GALNT13: variants seen among roughly 807,000 people sequenced by gnomAD.
The protein encoded by GALNT13 is polypeptide N-acetylgalactosaminyltransferase 13, also known as UDP-GalNAc:polypeptide N-acetylgalactosaminyltransferase 13.
A neutral mutation model predicts 64.2 loss-of-function variants in GALNT13; 28 were observed. The observed-to-expected ratio is 0.44, with a 90% confidence interval of 0.32 to 0.60. The LOEUF (loss-of-function observed/expected upper bound fraction) is 0.60, where lower values mean the gene tolerates loss of function less well. GALNT13 is among the 20% of genes least tolerant of loss of function. The pLI is 0.05. For missense variants in GALNT13, 577 were observed against 669.8 expected (o/e 0.86, Z 1.53); for synonymous variants, 214 against 224.6 (o/e 0.95, Z 0.42).
chr2:153,231,390 A>G, the GALNT13 span, among the ~76,000 whole-genome samples: 1 of 152,244 alleles, frequency 6.6e-6, no homozygotes, highest in African/African-American at 2.4e-5. Flanking sequence ...TACTGATGTC[A>G]GTATGGAACA....
At chr2:154,440,882 A>T (rs75088927) in intron 12 of GALNT13, among the ~76,000 whole-genome samples, 20,194 of 152,124 alleles carry the variant, frequency 0.13, 1,512 homozygotes, top group African/African-American at 0.18. Flanking sequence ...AAGGTCGTTA[A>T]AAAGGATTTT....
chr2:154,265,009 A>C (rs1208195705), intron 8 of GALNT13, among the ~76,000 whole-genome samples: 1 of 151,168 alleles, frequency 6.6e-6, no homozygotes, highest in Non-Finnish European at 1.5e-5. Context: ...AATGAAACCA[A>C]AATTTGTTTC....
chr2:153,494,822 C>T, the GALNT13 span, among the ~76,000 whole-genome samples: 1 of 151,974 alleles, frequency 6.6e-6, no homozygotes, highest in Non-Finnish European at 1.5e-5. Flanking sequence ...AAGTAAGCCA[C>T]ATAGTAGGAG....
At chr2:153,204,621 T>C in the GALNT13 span, among the ~76,000 whole-genome samples, 2 of 152,190 alleles carry the variant, frequency 1.3e-5, no homozygotes, top group African/African-American at 2.4e-5. Flanking sequence ...TCCTCCAAAT[T>C]GCATTGTCTC....
intron 3 of GALNT13, among the ~76,000 whole-genome samples, chr2:154,050,467 AT>A: frequency 6.6e-6 from 1 of 152,260 alleles, no homozygotes; most frequent in Non-Finnish European, 1.5e-5. Context: ...ATGATGTATA[AT>A]TTCCCCTGGG....
intron 9 of GALNT13, among the ~76,000 whole-genome samples, chr2:154,336,278 G>A (rs1243950553): frequency 6.6e-6 from 1 of 152,072 alleles, no homozygotes; most frequent in African/African-American, 2.4e-5. Flanking sequence ...GCCACAGACT[G>A]TCTGGTCTTT....
chr2:153,943,174 A>G (rs1434206963), intron 2 of GALNT13, among the ~76,000 whole-genome samples: 2 of 152,218 alleles, frequency 1.3e-5, no homozygotes, highest in Non-Finnish European at 2.9e-5. Flanking sequence ...TAGTATAAAT[A>G]AAACAAATAA....
At chr2:153,856,773 C>A in the GALNT13 span, among the ~76,000 whole-genome samples, 102 of 152,160 alleles carry the variant, frequency 6.7e-4, 2 homozygotes, top group Admixed American at 5.8e-3. Flanking sequence ...GGAATCTACA[C>A]CACATAAATG....
chr2:153,411,328 CAA>C, the GALNT13 span, among the ~76,000 whole-genome samples: 1 of 151,900 alleles, frequency 6.6e-6, no homozygotes, highest in Non-Finnish European at 1.5e-5. Flanking sequence ...GCCCTGCCCA[CAA>C]AGAGTTTGGA....
chr2:153,393,473 TTC>T, the GALNT13 span, among the ~76,000 whole-genome samples: 22 of 152,110 alleles, frequency 1.4e-4, no homozygotes, highest in Admixed American at 3.3e-4. Flanking sequence ...GTTTAAAGAA[TTC>T]TTTTTTTTCC....
At chr2:153,774,904 T>C in the GALNT13 span, among the ~76,000 whole-genome samples, 1 of 152,188 alleles carries the variant, frequency 6.6e-6, no homozygotes, top group African/African-American at 2.4e-5. Flanking sequence ...AATGAGATCC[T>C]GTCTCTACAA....
the GALNT13 span, among the ~76,000 whole-genome samples, chr2:153,612,030 A>T: frequency 6.6e-6 from 1 of 152,082 alleles, no homozygotes; most frequent in African/African-American, 2.4e-5. Flanking sequence ...TGCAAAGGAC[A>T]TGAACTCATC....
the GALNT13 span, among the ~76,000 whole-genome samples, chr2:153,592,552 T>G: frequency 6.6e-6 from 1 of 152,074 alleles, no homozygotes; most frequent in Non-Finnish European, 1.5e-5. Context: ...GCACCATGAG[T>G]AGAACTGGAG....
chr2:153,899,740 C>T (rs1688103136), intron 1 of GALNT13, among the ~76,000 whole-genome samples: 1 of 151,926 alleles, frequency 6.6e-6, no homozygotes, highest in Admixed American at 6.6e-5. Flanking sequence ...TATTTAACTG[C>T]TATTTCTGCT....
In GALNT13 at chr2:154,356,480, A is replaced by G. The variant is rs116302656; in HGVS notation, c.1157-39511A>G. Among the ~76,000 whole-genome samples the G allele has an allele frequency of 3.4e-3, 516 of 151,560 alleles. 4 individuals carry two copies. Among genetic ancestry groups the G allele is most frequent in the South Asian group, 0.022 (104 of 4,826 alleles). ...TACATGAGAAATTATTTTGAAAAAAATTGTATAGGGTGGATGTCACAGAGT... is the reference window on the plus strand; with the variant it reads ...TACATGAGAAATTATTTTGAAAAAAGTTGTATAGGGTGGATGTCACAGAGT... On this transcript the variant is annotated intron_variant, in intron 9 of 12. Coordinates refer to ENST00000392825, the MANE Select transcript of GALNT13 (RefSeq NM_052917.4).
At chr2:153,866,444 T>C in the GALNT13 span, among the ~76,000 whole-genome samples, 1 of 152,188 alleles carries the variant, frequency 6.6e-6, no homozygotes, top group Non-Finnish European at 1.5e-5. Context: ...TTTGCTCTCA[T>C]ATATCCTACT....
At chr2:154,175,676 T>C (rs1211623361) in intron 4 of GALNT13, among the ~76,000 whole-genome samples, 1 of 152,176 alleles carries the variant, frequency 6.6e-6, no homozygotes, top group Non-Finnish European at 1.5e-5. Flanking sequence ...AAAAAATATA[T>C]ATATTGAAAT....
intron 9 of GALNT13, among the ~76,000 whole-genome samples, chr2:154,335,779 CAATG>C (rs1695410505): frequency 6.6e-6 from 1 of 151,926 alleles, no homozygotes; most frequent in Non-Finnish European, 1.5e-5. Context: ...AACAGCATAA[CAATG>C]AATATTTTTA....
At chr2:153,312,138 A>G in the GALNT13 span, among the ~76,000 whole-genome samples, 2 of 152,204 alleles carry the variant, frequency 1.3e-5, no homozygotes, top group South Asian at 2.1e-4. Context: ...TTATTAATCT[A>G]TCACTATAGG....
Sources: allele counts gnomAD v4.1 joint callset (sites outside exome capture counted in the v4.1 genomes callset), GRCh38; gene constraint gnomAD v4.1.1; transcripts MANE v1.5; gene names NCBI Gene and HGNC (gene_info 2026-07-23, HGNC 2026-07-21).